Variants in CSTF1 observed in about 807,000 individuals in gnomAD.
CSTF1 encodes the protein cleavage stimulation factor subunit 1.
CSTF1 carries 2 observed loss-of-function variants against 40.9 expected under a neutral mutation model. That is an observed-to-expected ratio of 0.05 (90% CI 0.02 to 0.15). The LOEUF is 0.15. CSTF1 is among the 10% of genes least tolerant of loss of function. CSTF1 has a pLI of 1.00. For missense variants in CSTF1, 279 were observed against 558.9 expected, an observed-to-expected ratio of 0.50 and a Z score of 5.05; for synonymous variants, 218 against 207.2, an observed-to-expected ratio of 1.05 and a Z score of -0.45.
intron 1 of CSTF1, among the ~76,000 whole-genome samples, chr20:56,394,097 T>C (rs925194246): frequency 1.3e-5 from 2 of 152,180 alleles, no homozygotes; most frequent in African/African-American, 4.8e-5. Context: ...TCATCTTTAT[T>C]TGTGTCCCAG....
rs1427015555 is a variant in CSTF1 at position 56,399,093 on chromosome 20, C to G, written c.772C>G (p.Gln258Glu). The stretch of plus-strand genomic sequence containing the variant: ...TCAATGTTTTGTCTCTTGCAATCCT[C>G]AAGATCAACACACCGATGCTATATG... ...TFQCFVSCNP[Q>E]DQHTDAICSV... Residue 258 changes from glutamine to glutamate, a missense_variant, in exon 5 of 6, where the codon CAA (glutamine) becomes GAA (glutamate). By Grantham distance (29) the Gln-to-Glu change is conservative. Transcript: ENST00000217109. The surrounding 1 kb of genome is among the most constrained non-coding windows in gnomAD (Gnocchi z 4.6). The G allele has an allele frequency of 6.2e-7, 1 of 1,614,070 alleles. No individual in the cohort carries two copies. Among genetic ancestry groups the G allele is most frequent in the East Asian group, 2.2e-5 (1 of 44,892 alleles).
At chr20:56,395,056 T>C (rs1466900907) in intron 1 of CSTF1, among the ~76,000 whole-genome samples, 1 of 152,178 alleles carries the variant, frequency 6.6e-6, no homozygotes, top group African/African-American at 2.4e-5. Context: ...AGAATGAGCA[T>C]AAAAGATTAG....
intron 2 of CSTF1, chr20:56,396,915 G>T (rs1987533972): frequency 6.7e-6 from 2 of 299,402 alleles, no homozygotes; most frequent in African/African-American, 2.2e-5. Context: ...GCTATTTTTT[G>T]AGTTTCTGTA....
Position 56,403,628 on chromosome 20 carries a change from T to C in CSTF1, c.1197T>C (p.Ile399=), listed in dbSNP as rs146584410. ...TGCTGTCGTTGGGGCACAACAATAT[T>C]GTACGCTGCATAGTGCACTCCCCCA... ...RNLLSLGHNN[I]VRCIVHSPTN... The change falls in exon 6 of 6, where the codon ATT becomes ATC. Residue 399 remains isoleucine, a synonymous_variant. Transcript: ENST00000217109. The C allele has an allele frequency of 8.1e-5, 130 of 1,614,158 alleles. 1 individual carries two copies. The African/African-American group carries it at 1.4e-3, about 17-fold the overall frequency.
intron 1 of CSTF1, among the ~76,000 whole-genome samples, chr20:56,394,146 C>G (rs1025338711): frequency 1.3e-5 from 2 of 152,224 alleles, no homozygotes; most frequent in African/African-American, 4.8e-5. Context: ...TGTTCATGTA[C>G]TACTTCATAT....
intron 2 of CSTF1, among the ~76,000 whole-genome samples, chr20:56,396,472 A>G (rs757897066): frequency 8.5e-5 from 13 of 152,232 alleles, no homozygotes; most frequent in Non-Finnish European, 1.2e-4. Context: ...ATTAGCCAAG[A>G]TACACTTTTG....
intron 4 of CSTF1, among the ~76,000 whole-genome samples, chr20:56,398,388 G>A (rs976205274): frequency 6.6e-6 from 1 of 152,120 alleles, no homozygotes. Flanking sequence ...GAGCAATGTA[G>A]TGAGACCTCA....
chr20:56,399,948 A>T lies in CSTF1; in HGVS notation c.1036+591A>T, dbSNP rs1438942549. Among the ~76,000 whole-genome samples the T allele has an allele frequency of 2.0e-5, 3 of 152,214 alleles. No individual in the cohort carries two copies. Among genetic ancestry groups the T allele is most frequent in the South Asian group, 2.1e-4 (1 of 4,824 alleles). On this transcript the variant is annotated intron_variant, in intron 5 of 5. Coordinates refer to ENST00000217109, the MANE Select transcript of CSTF1 (RefSeq NM_001324.3). This position sits in a 1 kb window ranked among gnomAD's most constrained non-coding sequence, Gnocchi z 4.6. ...TTTATAATGAAATCCATTTAAATTT[A>T]TCCTATCACTAGTAGGGCCCAAGTC... is the stretch of plus-strand genomic sequence containing the variant.
At chr20:56,398,444 C>T (rs1053696472) in intron 4 of CSTF1, among the ~76,000 whole-genome samples, 1 of 152,168 alleles carries the variant, frequency 6.6e-6, no homozygotes. Flanking sequence ...GTGGCACGCG[C>T]CGATAGTCCC....
Position 56,399,137 on chromosome 20 carries a change from T to C in CSTF1, c.816T>C (p.Ser272=). The change falls in exon 5 of 6, where the codon TCT becomes TCC. Residue 272 remains serine (S), a synonymous_variant. Coordinates refer to ENST00000217109, the MANE Select transcript of CSTF1 (RefSeq NM_001324.3). This position sits in a 1 kb window ranked among gnomAD's most constrained non-coding sequence, Gnocchi z 4.6. The part of the protein sequence containing the change: ...TDAICSVNYN[S]SANMYVTGSK... ...CTATATGTTCCGTTAATTACAATTCTAGTGCCAATATGTACGTAACTGGAA... is the reference window on the plus strand; with the variant it reads ...CTATATGTTCCGTTAATTACAATTCCAGTGCCAATATGTACGTAACTGGAA... 6.2e-7 allele frequency: 1 copy of C among 1,614,216 alleles called. No homozygotes were observed. Among genetic ancestry groups the C allele is most frequent in the Non-Finnish European group, 8.5e-7 (1 of 1,180,008 alleles).
At chr20:56,395,303 G>A (rs79910084) in intron 1 of CSTF1, among the ~76,000 whole-genome samples, 2,890 of 152,304 alleles carry the variant, frequency 0.019, 44 homozygotes, top group Middle Eastern at 0.031. Context: ...GCCAGGCACT[G>A]TGCTCAGGGC....
rs746839901 is a variant in CSTF1, at chr20:56,405,771, A to G, written c.*2044A>G. 2.6e-5 allele frequency: 4 copies of G among 152,264 alleles called. No individual in the cohort carries two copies. Among genetic ancestry groups the G allele is most frequent in the Non-Finnish European group, 5.9e-5 (4 of 68,048 alleles). The allele number at this position is 152,264 out of a possible 1,614,324, so 9.4% of individuals were successfully genotyped here. A position where few individuals can be genotyped will look rare whatever the true frequency, so the allele number is the denominator to read the frequency against. ...CTGTGGGTGCTACTCTCGTAAGACT[A>G]AAAGGCACCTACTAAATACGAACAA... On this transcript the variant is annotated 3_prime_UTR_variant, in exon 6 of 6. Transcript: ENST00000217109.
chr20:56,403,969 G>T lies in CSTF1; in HGVS notation c.*242G>T, dbSNP rs140219472. The stretch of plus-strand genomic sequence containing the variant: ...TGATTATTACAGTGTGATTTTCATC[G>T]GTTTTGTAAGTACAGGACTTGCCGT... On this transcript the variant is annotated 3_prime_UTR_variant, in exon 6 of 6. Coordinates refer to ENST00000217109, the MANE Select transcript of CSTF1 (RefSeq NM_001324.3). 2 of 452,920 alleles carry T rather than the reference G, an allele frequency of 4.4e-6. No homozygotes were observed. The highest frequency in any genetic ancestry group is 4.6e-5 in the South Asian group (1 of 21,742). The allele number at this position is 452,920 out of a possible 1,614,324, so 28.1% of individuals were successfully genotyped here. A position where few individuals can be genotyped will look rare whatever the true frequency, so the allele number is the denominator to read the frequency against.
At chr20:56,396,479 T>C (rs1430011594) in intron 2 of CSTF1, among the ~76,000 whole-genome samples, 1 of 152,206 alleles carries the variant, frequency 6.6e-6, no homozygotes, top group Non-Finnish European at 1.5e-5. Context: ...AAGATACACT[T>C]TTGTTCTGCT....
chr20:56,403,922 A>T lies in CSTF1; in HGVS notation c.*195A>T. The T allele has an allele frequency of 1.7e-6, 1 of 602,532 alleles. No homozygotes were observed. Among genetic ancestry groups the T allele is most frequent in the Non-Finnish European group, 2.9e-6 (1 of 344,936 alleles). 37.3% of individuals were successfully genotyped at this position (602,532 alleles called of 1,614,324 possible). A position where few individuals can be genotyped will look rare whatever the true frequency, so the allele number is the denominator to read the frequency against. ...ATGGTGGAAAAAGTTGGAAACACAG[A>T]TCTGTGCAGTTCTACATTCACTGAT... On this transcript the variant is annotated 3_prime_UTR_variant, in exon 6 of 6. Transcript: ENST00000217109.
At chr20:56,401,536 A>T (rs771728155) in intron 5 of CSTF1, among the ~76,000 whole-genome samples, 2 of 152,196 alleles carry the variant, frequency 1.3e-5, no homozygotes, top group African/African-American at 4.8e-5. Context: ...TTTTTGACCC[A>T]CTATATCTAC....
intron 4 of CSTF1, 39 bp from the exon 5 acceptor site, chr20:56,398,928 A>T (rs1473870752): frequency 6.6e-7 from 1 of 1,522,476 alleles, no homozygotes; most frequent in Non-Finnish European, 8.8e-7. Flanking sequence ...TTAATTGTTC[A>T]CCAGTTGGTC....
chr20:56,400,768 C>T lies in CSTF1; in HGVS notation c.1036+1411C>T, dbSNP rs538368847. On this transcript the variant is annotated intron_variant, in intron 5 of 5. Transcript: ENST00000217109. ...AATTAGTTAGAATTTGGGCCAGGCG[C>T]GGTGGCTCACACCTGTAATCCCAGC... Among the ~76,000 whole-genome samples, 7 of 152,254 alleles carry T rather than the reference C, an allele frequency of 4.6e-5. No individual in the cohort carries two copies. In the East Asian group the frequency reaches 5.8e-4, roughly 13 times the overall value.
Position 56,397,129 on chromosome 20 carries a change from T to G in CSTF1, c.170-78T>G. ...TGACACTGGTGAGCATCTTTCCAGT[T>G]TGGATCTAGAATTTTATCTTGGCCT... On this transcript the variant is annotated intron_variant, in intron 2 of 5. Transcript: ENST00000217109. The surrounding 1 kb of genome is among the most constrained non-coding windows in gnomAD (Gnocchi z 4.4). The G allele has an allele frequency of 6.8e-7, 1 of 1,477,080 alleles. No individual in the cohort carries two copies. Among genetic ancestry groups the G allele is most frequent in the East Asian group, 2.3e-5 (1 of 44,122 alleles). 91.5% of individuals were successfully genotyped at this position (1,477,080 alleles called of 1,614,324 possible).
Sources: gnomAD v4.1 joint callset for allele counts (sites outside exome capture counted in the v4.1 genomes callset) on GRCh38, gnomAD v4.1.1 for gene constraint, Gnocchi (gnomAD v3.1) non-coding constraint, MANE v1.5 for transcripts, NCBI Gene and HGNC (gene_info 2026-07-23, HGNC 2026-07-21) for gene names.